The following PLCB1 variants were observed in gnomAD, a reference collection of about 807,000 sequenced individuals.
PLCB1 encodes 1-phosphatidylinositol 4,5-bisphosphate phosphodiesterase beta-1.
Under a neutral mutation model 161.8 loss-of-function variants are expected in PLCB1, and 46 were observed. The observed-to-expected ratio is 0.28, with a 90% CI of 0.22 to 0.36. PLCB1 has a LOEUF of 0.36. Among genes scored for constraint, PLCB1 ranks in the 10% least tolerant of loss-of-function variants. PLCB1 has a pLI of 1.00. For missense variants in PLCB1, 1,016 were observed against 1,472.5 expected (o/e 0.69, Z 5.07); for synonymous variants, 517 against 503.7 (o/e 1.03, Z -0.35).
intron 2 of PLCB1, among the ~76,000 whole-genome samples, chr20:8,350,812 G>C (rs1986156131): frequency 6.6e-6 from 1 of 152,186 alleles, no homozygotes; most frequent in South Asian, 2.1e-4. Flanking sequence ...TCAAGGAGCT[G>C]TATGTGGAAT....
intron 2 of PLCB1, among the ~76,000 whole-genome samples, chr20:8,355,825 T>TTTAAGGTGCA (rs1448722929): frequency 6.6e-6 from 1 of 152,156 alleles, no homozygotes; most frequent in Non-Finnish European, 1.5e-5. Context: ...TTTTGCACCT[T>TTTAAGGTGCA]AAATGGTTTA....
At chr20:8,166,472 G>A (rs1300985075) in intron 2 of PLCB1, among the ~76,000 whole-genome samples, 1 of 152,086 alleles carries the variant, frequency 6.6e-6, no homozygotes, top group Non-Finnish European at 1.5e-5. Context: ...GCTGTAAGTT[G>A]CAGTCCTTCT....
At chr20:8,771,161 A>G (rs904747882) in intron 26 of PLCB1, among the ~76,000 whole-genome samples, 2 of 152,216 alleles carry the variant, frequency 1.3e-5, no homozygotes, top group African/African-American at 2.4e-5. Context: ...ACTACAAAAT[A>G]CACACCAGAT....
intron 2 of PLCB1, among the ~76,000 whole-genome samples, chr20:8,359,832 A>G (rs1183000613): frequency 6.6e-6 from 1 of 152,226 alleles, no homozygotes; most frequent in East Asian, 1.9e-4. Context: ...ATATATCTAA[A>G]GCCAAAAAAG....
intron 2 of PLCB1, among the ~76,000 whole-genome samples, chr20:8,339,342 T>C (rs1985713036): frequency 6.6e-6 from 1 of 152,128 alleles, no homozygotes; most frequent in Non-Finnish European, 1.5e-5. Flanking sequence ...CACAGTCTTA[T>C]ATATCACTGA....
At chr20:8,389,791 G>C (rs111714405) in intron 3 of PLCB1, among the ~76,000 whole-genome samples, 2 of 152,152 alleles carry the variant, frequency 1.3e-5, no homozygotes, top group Non-Finnish European at 2.9e-5. Context: ...CACTTGGGGA[G>C]CTTTTAAAAT....
chr20:8,439,736 C>CT (rs903425806), intron 3 of PLCB1, among the ~76,000 whole-genome samples: 21 of 152,048 alleles, frequency 1.4e-4, no homozygotes, highest in African/African-American at 4.6e-4. Context: ...TTGATTTAAG[C>CT]TTTTTTCCCT....
intron 3 of PLCB1, among the ~76,000 whole-genome samples, chr20:8,518,601 G>A (rs1343241603): frequency 6.6e-6 from 1 of 151,970 alleles, no homozygotes; most frequent in South Asian, 2.1e-4. Flanking sequence ...TACTTATTGG[G>A]CATCTACTAC....
chr20:8,589,081 G>C (rs1360438184), intron 3 of PLCB1, among the ~76,000 whole-genome samples: 1 of 152,216 alleles, frequency 6.6e-6, no homozygotes, highest in Non-Finnish European at 1.5e-5. Flanking sequence ...CAGGCTCCAA[G>C]AGCAGGTGGC....
At chr20:8,686,627 CACTAGG>C (rs1990365432) in intron 10 of PLCB1, among the ~76,000 whole-genome samples, 1 of 152,128 alleles carries the variant, frequency 6.6e-6, no homozygotes, top group Non-Finnish European at 1.5e-5. Flanking sequence ...TTCTGACTAT[CACTAGG>C]GTTTTCAGAT....
At chr20:8,843,984 ACTTTCTGATGGATG>A (rs1463262101) in intron 31 of PLCB1, among the ~76,000 whole-genome samples, 2 of 152,186 alleles carry the variant, frequency 1.3e-5, no homozygotes, top group East Asian at 3.8e-4. Context: ...TAAAGGTTTG[ACTTTCTGATGGATG>A]CTTAATTTTT....
intron 23 of PLCB1, among the ~76,000 whole-genome samples, chr20:8,744,853 A>T (rs1173487627): frequency 6.6e-6 from 1 of 151,970 alleles, no homozygotes; most frequent in Non-Finnish European, 1.5e-5. Flanking sequence ...TCTTTTCACA[A>T]ATTGATGTCC....
chr20:8,879,804 A>T (rs1361264566), intron 31 of PLCB1, among the ~76,000 whole-genome samples: 1 of 152,198 alleles, frequency 6.6e-6, no homozygotes, highest in Admixed American at 6.5e-5. Flanking sequence ...AGGAAGACAG[A>T]TGTCCTGGAG....
chr20:8,287,054 T>C lies in PLCB1; in HGVS notation c.178-84328T>C, dbSNP rs975589707. Among the ~76,000 whole-genome samples the C allele has an allele frequency of 5.3e-5, 8 of 152,140 alleles. No individual in the cohort carries two copies. The East Asian group carries it at 1.5e-3, about 29-fold the overall frequency. On this transcript the variant is annotated intron_variant, in intron 2 of 31. Coordinates refer to ENST00000338037, the MANE Select transcript of PLCB1 (RefSeq NM_015192.4). ...CTTTTTAATCCAACAGGATTTTATG[T>C]TGAATTTTTTGTGATAAGAGAGATT... is the stretch of plus-strand genomic sequence containing the variant.
intron 2 of PLCB1, among the ~76,000 whole-genome samples, chr20:8,322,119 T>C (rs529647818): frequency 7.9e-5 from 12 of 152,226 alleles, no homozygotes; most frequent in Admixed American, 7.9e-4. Flanking sequence ...TTGCCAACAA[T>C]GGTTGCCTAT....
In PLCB1 at chr20:8,228,675, A is replaced by G. The variant is rs1186557587; in HGVS notation, c.177+78304A>G. 3.3e-5 allele frequency among the ~76,000 whole-genome samples: 4 copies of G among 120,570 alleles called. No homozygotes were observed. The East Asian group carries it at 7.7e-4, about 23-fold the overall frequency. The allele number at this position is 120,570 out of a possible 152,430, so 79.1% of individuals were successfully genotyped here. ...CAGATGTGCACCACCACGCCCCACT[A>G]ATTTTTTTTTGTATTTATTTATTTA... On this transcript the variant is annotated intron_variant, in intron 2 of 31. Transcript: ENST00000338037.
chr20:8,634,898 T>C (rs946381099), intron 4 of PLCB1, among the ~76,000 whole-genome samples: 1 of 152,188 alleles, frequency 6.6e-6, no homozygotes, highest in Admixed American at 6.5e-5. Flanking sequence ...TTCTTCTACC[T>C]TTACAATTGT....
intron 2 of PLCB1, among the ~76,000 whole-genome samples, chr20:8,319,999 TAATAA>T (rs1486860328): frequency 6.6e-6 from 1 of 151,892 alleles, no homozygotes; most frequent in African/African-American, 2.4e-5. Flanking sequence ...AGTATAATAA[TAATAA>T]AATTTTTTAA....
chr20:8,724,628 A>G (rs773190803), intron 15 of PLCB1, 28 bp from the exon 16 acceptor site: 2 of 1,245,294 alleles, frequency 1.6e-6, no homozygotes, highest in Non-Finnish European at 2.4e-6. Flanking sequence ...GACTCTGGAA[A>G]TGTTTTCTTT....
Sources: allele counts gnomAD v4.1 joint callset (sites outside exome capture counted in the v4.1 genomes callset), GRCh38; gene constraint gnomAD v4.1.1; transcripts MANE v1.5; gene names NCBI Gene and HGNC (gene_info 2026-07-23, HGNC 2026-07-21).